GOLM1: variants seen among roughly 807,000 people sequenced by gnomAD.
GOLM1 encodes the protein epididymis luminal protein 46.
In GOLM1, 31 loss-of-function variants were observed where a neutral mutation model predicts 50.5. The ratio of observed to expected loss-of-function variants is 0.61; its 90% confidence interval spans 0.46 to 0.83. The LOEUF is 0.83. Among genes scored for constraint, GOLM1 ranks in the 40% least tolerant of loss-of-function variants. The pLI is 0.00. For missense variants in GOLM1, 491 were observed against 501.3 expected (o/e 0.98, Z 0.20); for synonymous variants, 178 against 192.8 (o/e 0.92, Z 0.64).
intron 1 of GOLM1, among the ~76,000 whole-genome samples, chr9:86,082,495 G>T (rs148898924): frequency 1.3e-5 from 2 of 151,854 alleles, no homozygotes; most frequent in Admixed American, 6.6e-5. Context: ...CAACTCCTGG[G>T]CTCAAGTGAT....
At chr9:86,098,965 G>C (rs1215886848) in intron 1 of GOLM1, among the ~76,000 whole-genome samples, 2 of 152,224 alleles carry the variant, frequency 1.3e-5, no homozygotes, top group African/African-American at 4.8e-5. Context: ...GGCGGGAGCC[G>C]AGAGACTCGC....
chr9:86,028,931 C>G (rs575466377), intron 9 of GOLM1, among the ~76,000 whole-genome samples: 1 of 150,786 alleles, frequency 6.6e-6, no homozygotes, highest in East Asian at 2.0e-4. Context: ...TCACTGCAAG[C>G]TCCACCTCCG....
chr9:86,081,826 T>C (rs1834792582), intron 1 of GOLM1, among the ~76,000 whole-genome samples: 1 of 150,072 alleles, frequency 6.7e-6, no homozygotes, highest in African/African-American at 2.4e-5. Context: ...GAGGCGGAGC[T>C]TGCAGTGAGC....
At chr9:86,061,257 G>C (rs1256015261) in intron 3 of GOLM1, among the ~76,000 whole-genome samples, 1 of 152,110 alleles carries the variant, frequency 6.6e-6, no homozygotes, top group Non-Finnish European at 1.5e-5. Context: ...TTAACTTCAA[G>C]GCTGGTTTTA....
intron 3 of GOLM1, among the ~76,000 whole-genome samples, chr9:86,059,397 C>T (rs1308028308): frequency 6.6e-6 from 1 of 152,172 alleles, no homozygotes; most frequent in African/African-American, 2.4e-5. Flanking sequence ...TGCTACAACA[C>T]GGATGAGGCT....
intron 5 of GOLM1, among the ~76,000 whole-genome samples, chr9:86,043,845 T>TA (rs1491140119): frequency 1.3e-5 from 2 of 152,220 alleles, no homozygotes; most frequent in Non-Finnish European, 2.9e-5. Context: ...GGATCCTGAC[T>TA]GATTGCCAGC....
chr9:86,036,537 G>A (rs1240830075), intron 6 of GOLM1, 30 bp from the exon 7 acceptor site: 17 of 1,610,446 alleles, frequency 1.1e-5, no homozygotes, highest in Non-Finnish European at 1.4e-5. Flanking sequence ...CAGCCAGCCA[G>A]GGCAGGGCTC....
intron 5 of GOLM1, among the ~76,000 whole-genome samples, chr9:86,043,284 G>A (rs77244600): frequency 6.6e-6 from 1 of 152,320 alleles, no homozygotes; most frequent in East Asian, 1.9e-4. Flanking sequence ...TGCCACAGGT[G>A]TAGGAGAGTA....
chr9:86,092,920 G>T (rs751363548), intron 1 of GOLM1, among the ~76,000 whole-genome samples: 1 of 152,158 alleles, frequency 6.6e-6, no homozygotes, highest in African/African-American at 2.4e-5. Context: ...TCAAACAGAG[G>T]TATTAATTTA....
chr9:86,032,798 G>C (rs1049027784), intron 9 of GOLM1, among the ~76,000 whole-genome samples: 1 of 152,204 alleles, frequency 6.6e-6, no homozygotes, highest in Non-Finnish European at 1.5e-5. Context: ...GAATTCATCA[G>C]CCTGAATCCA....
intron 3 of GOLM1, among the ~76,000 whole-genome samples, chr9:86,065,537 C>CAGAACCCTCTG (rs987396888): frequency 6.6e-6 from 1 of 152,120 alleles, no homozygotes; most frequent in African/African-American, 2.4e-5. Flanking sequence ...GAGAAGACAC[C>CAGAACCCTCTG]AGAACCCTCT....
In GOLM1 at chr9:86,027,819, A is replaced by G; in HGVS notation, c.1204T>C (p.Ter402ArgextTer23). The stretch of plus-strand genomic sequence containing the variant: ...GAAATATGTGATTCCAGTTCAATTC[A>G]GAGTGTATGATTCCGCTTTTCACGC... ...DQREKRNHTL[*>R] is the part of the protein sequence containing the mutation. The change falls in exon 10 of 10, where the codon TGA becomes CGA. Residue 402 changes from the stop codon to arginine, a stop_lost. Coordinates refer to ENST00000388712, the MANE Select transcript of GOLM1 (RefSeq NM_016548.4). The G allele has an allele frequency of 1.9e-6, 3 of 1,612,962 alleles. No homozygotes were observed. The highest frequency in any genetic ancestry group is 2.5e-6 in the Non-Finnish European group (3 of 1,179,176).
intron 1 of GOLM1, among the ~76,000 whole-genome samples, chr9:86,088,420 G>GTGTGCATATATATATATATATATA (rs1157260470): frequency 3.5e-5 from 3 of 86,300 alleles, no homozygotes; most frequent in African/African-American, 1.7e-4. Flanking sequence ...TTTGAAGGGT[G>GTGTGCATATATATATATATATATA]TATATATATA....
At chr9:86,077,107 A>C (rs1834640049) in intron 3 of GOLM1, among the ~76,000 whole-genome samples, 1 of 152,160 alleles carries the variant, frequency 6.6e-6, no homozygotes, top group South Asian at 2.1e-4. Flanking sequence ...TATTTAATAC[A>C]TGTTTGTGGA....
intron 9 of GOLM1, among the ~76,000 whole-genome samples, chr9:86,032,316 C>T (rs375586827): frequency 9.9e-5 from 15 of 151,960 alleles, no homozygotes; most frequent in African/African-American, 3.4e-4. Context: ...TACAGGCGCC[C>T]ACCACCACGC....
intron 7 of GOLM1, 100 bp from the exon 8 acceptor site, chr9:86,035,725 C>T: frequency 2.6e-6 from 3 of 1,133,444 alleles, no homozygotes; most frequent in Admixed American, 2.3e-5. Context: ...TTCCCAGAGC[C>T]TTCCCAAGGA....
At chr9:86,076,397 GACA>G (rs1287112067) in intron 3 of GOLM1, among the ~76,000 whole-genome samples, 1 of 97,704 alleles carries the variant, frequency 1.0e-5, no homozygotes, top group East Asian at 3.5e-4. Flanking sequence ...CTCCAGCCTG[GACA>G]ACAAGAGGGA....
chr9:86,078,833 G>C (rs897295605), intron 2 of GOLM1, among the ~76,000 whole-genome samples: 2 of 152,140 alleles, frequency 1.3e-5, no homozygotes, highest in Non-Finnish European at 2.9e-5. Context: ...ACTACTCTTC[G>C]ATATCTTGGG....
intron 1 of GOLM1, among the ~76,000 whole-genome samples, chr9:86,090,385 G>A (rs1425252158): frequency 6.6e-6 from 1 of 152,166 alleles, no homozygotes; most frequent in Non-Finnish European, 1.5e-5. Flanking sequence ...CAGGGAGCTG[G>A]GAGTTTTATC....
Sources: gnomAD v4.1 joint callset for allele counts (sites outside exome capture counted in the v4.1 genomes callset) on GRCh38, gnomAD v4.1.1 for gene constraint, MANE v1.5 for transcripts, NCBI Gene and HGNC (gene_info 2026-07-23, HGNC 2026-07-21) for gene names.